The following SP7 variants were observed in gnomAD, a reference collection of about 807,000 sequenced individuals.
SP7 encodes Sp7 transcription factor, also known as transcription factor Sp7.
A neutral mutation model predicts 27.9 loss-of-function variants in SP7; 13 were observed. The observed-to-expected ratio is 0.47, with a 90% CI of 0.30 to 0.74. The LOEUF is 0.74. Among genes scored for constraint, SP7 ranks in the 30% least tolerant of loss-of-function variants. The pLI, the probability that SP7 is intolerant of heterozygous loss-of-function variation, is 0.06. For synonymous variants in SP7, 219 were observed against 226.7 expected (o/e 0.97, Z 0.31); for missense variants, 525 against 558.0 (o/e 0.94, Z 0.60).
chr12:53,341,211 C>G (rs941262334), upstream of SP7, among the ~76,000 whole-genome samples: 8 of 152,196 alleles, frequency 5.3e-5, no homozygotes, highest in African/African-American at 1.9e-4. Flanking sequence ...AGCACCAGGG[C>G]TGCAAGGCAG....
rs1565796162 is a variant in SP7, at chr12:53,344,325, C to T, written c.-34+789G>A. 6.6e-6 allele frequency among the ~76,000 whole-genome samples: 1 copy of T among 152,062 alleles called. No homozygotes were observed. The highest frequency in any genetic ancestry group is 1.5e-5 in the Non-Finnish European group (1 of 68,016). Reference sequence around the variant, plus strand: ...TGGCCCTCAGTCTCCCAGAAGAACCCCCGCCTCTGCCCTCTGCCCCAATCC... The same window carrying T: ...TGGCCCTCAGTCTCCCAGAAGAACCTCCGCCTCTGCCCTCTGCCCCAATCC... On this transcript the variant is annotated intron_variant, in intron 1 of 1. Coordinates refer to the SP7 transcript ENST00000547755. This position sits in a 1 kb window ranked among gnomAD's most constrained non-coding sequence, Gnocchi z 4.6.
At chr12:53,337,547 C>T (rs1944783363), upstream of SP7, among the ~76,000 whole-genome samples, 1 of 152,164 alleles carries the variant, frequency 6.6e-6, no homozygotes, top group African/African-American at 2.4e-5. Context: ...CTCTCCCTGT[C>T]AGGGGAATAA....
chr12:53,330,361 A>AT (rs1203428922), intron 2 of SP7, among the ~76,000 whole-genome samples: 9 of 152,078 alleles, frequency 5.9e-5, no homozygotes, highest in African/African-American at 2.2e-4. Context: ...CCAAAAAAAT[A>AT]TTTTTAGAGA....
Position 53,328,528 on chromosome 12 carries a change from T to TACACCTTGCCGC in SP7, c.902_913dup (p.Cys301_Val304dup). 1.2e-6 allele frequency: 2 copies of TACACCTTGCCGC among 1,613,422 alleles called. No individual in the cohort carries two copies. The highest frequency in any genetic ancestry group is 1.7e-6 in the Non-Finnish European group (2 of 1,179,464). On this transcript the variant is annotated inframe_insertion, in exon 3 of 3. Coordinates refer to ENST00000536324, the MANE Select transcript of SP7 (RefSeq NM_001173467.3). The surrounding 1 kb of genome is among the most constrained non-coding windows in gnomAD (Gnocchi z 5.1). ...GGCCTTCAGGTGCGAAGCCTTGCCATACACCTTGCCGCAGCCAGGGATGTG... is the reference window on the plus strand; with the variant it reads ...GGCCTTCAGGTGCGAAGCCTTGCCATACACCTTGCCGCACACCTTGCCGCAGCCAGGGATGTG...
At position 53,335,694 on chromosome 12, in the gene SP7, C is replaced by T; in HGVS notation, c.-47-1G>A. On this transcript the variant is annotated splice_acceptor_variant, in intron 1 of 2. Coordinates refer to ENST00000536324, the MANE Select transcript of SP7 (RefSeq NM_001173467.3). LOFTEE classifies it low-confidence loss of function (5UTR_SPLICE). ...CAAGGAGCCAGGCAGATGGAGAGAG[C>T]TGAGCCGGGGGGTGGGGGGGGTAGA... is the stretch of plus-strand genomic sequence containing the variant. The T allele has an allele frequency of 2.0e-6, 1 of 506,400 alleles. No individual in the cohort carries two copies. The allele number at this position is 506,400 out of a possible 1,614,324, so 31.4% of individuals were successfully genotyped here. A position where few individuals can be genotyped will look rare whatever the true frequency, so the allele number is the denominator to read the frequency against.
Position 53,329,115 on chromosome 12 carries a change from C to G in SP7, c.327G>C (p.Gly109=). The G allele has an allele frequency of 6.2e-7, 1 of 1,613,836 alleles. No individual in the cohort carries two copies. Among genetic ancestry groups the G allele is most frequent in the Non-Finnish European group, 8.5e-7 (1 of 1,179,882 alleles). ...FPGPTGTQDP[G]LLVPKGHSSS... ...AGCTGTGCCCCTTGGGCACTAGTAG[C>G]CCAGGGTCCTGGGTGCCTGTGGGCC... is the stretch of plus-strand genomic sequence containing the variant. Residue 109 remains glycine, a synonymous_variant, in exon 3 of 3, where the codon GGG becomes GGC. Coordinates refer to ENST00000536324, the MANE Select transcript of SP7 (RefSeq NM_001173467.3).
chr12:53,333,833 G>A (rs1944735164), intron 2 of SP7, among the ~76,000 whole-genome samples: 1 of 152,106 alleles, frequency 6.6e-6, no homozygotes, highest in Non-Finnish European at 1.5e-5. Context: ...AAGTGGTCGA[G>A]GGACAGGAGG....
At chr12:53,343,306 G>A (rs1944839000) in intron 1 of SP7, among the ~76,000 whole-genome samples, 1 of 152,178 alleles carries the variant, frequency 6.6e-6, no homozygotes, top group Non-Finnish European at 1.5e-5. Flanking sequence ...GCAACACAGA[G>A]TGGAGGCTGA....
At chr12:53,343,154 A>AG (rs1944837972) in intron 1 of SP7, among the ~76,000 whole-genome samples, 1 of 151,764 alleles carries the variant, frequency 6.6e-6, no homozygotes, top group Non-Finnish European at 1.5e-5. Flanking sequence ...AAAAAAAAAA[A>AG]CATAGTCTGG....
rs1944677024 is a variant in SP7 at position 53,329,370 on chromosome 12, G to A, written c.72C>T (p.Cys24=). 3 of 1,613,874 alleles carry A rather than the reference G, an allele frequency of 1.9e-6. No individual in the cohort carries two copies. Among genetic ancestry groups the A allele is most frequent in the Non-Finnish European group, 2.5e-6 (3 of 1,179,902 alleles). Residue 24 remains cysteine, a synonymous_variant, in exon 3 of 3, where the codon TGC becomes TGT. Coordinates refer to ENST00000536324, the MANE Select transcript of SP7 (RefSeq NM_001173467.3). ...SSPLAMLTAA[C]SKFGGSSPLR... is the part of the protein sequence containing the mutation. ...GAGGGCTAGAGCCACCAAATTTGCT[G>A]CACGCTGCCGTCAGCATGGCCAGGG...
chr12:53,336,032 G>A lies in SP7; in HGVS notation c.-48+114C>T, dbSNP rs189552157. ...TGGGCAAGTTGTCAGGGCTTCCTCG[G>A]GGGGCTGCTGAGGGGAGAGGTTAAA... On this transcript the variant is annotated intron_variant, in intron 1 of 2. Transcript: ENST00000536324. 4.1e-3 allele frequency: 1,026 copies of A among 250,816 alleles called. 4 individuals carry two copies. The highest frequency in any genetic ancestry group is 7.5e-3 in the Admixed American group (155 of 20,704). The allele number at this position is 250,816 out of a possible 1,614,324, so 15.5% of individuals were successfully genotyped here. A position where few individuals can be genotyped will look rare whatever the true frequency, so the allele number is the denominator to read the frequency against.
rs1231695026 is a variant in SP7 at position 53,328,828 on chromosome 12, AG to A, written c.613del (p.Asn206IlefsTer35). ...LPTYPSDFAP[L>X]NPAPYPAPHL... ...GGGAGCTGGGTAGGGGGCTGGATTAAGGGGAGCAAAGTCAGATGGGTAGGTG... is the reference window on the plus strand; with the variant it reads ...GGGAGCTGGGTAGGGGGCTGGATTAAGGGAGCAAAGTCAGATGGGTAGGTG... On this transcript the variant is annotated frameshift_variant, in exon 3 of 3. Transcript: ENST00000536324. LOFTEE classifies it high-confidence loss of function. The surrounding 1 kb of genome is among the most constrained non-coding windows in gnomAD (Gnocchi z 5.1). 1 of 1,599,724 alleles carries A rather than the reference AG, an allele frequency of 6.3e-7. No individual in the cohort carries two copies. The highest frequency in any genetic ancestry group is 1.7e-5 in the Admixed American group (1 of 59,490).
chr12:53,337,174 G>C (rs929895467), upstream of SP7, among the ~76,000 whole-genome samples: 1 of 152,178 alleles, frequency 6.6e-6, no homozygotes, highest in African/African-American at 2.4e-5. Flanking sequence ...ATCTCTTAGA[G>C]ACCATGGGTT....
chr12:53,338,288 G>C (rs1944791877), upstream of SP7, among the ~76,000 whole-genome samples: 2 of 152,058 alleles, frequency 1.3e-5, no homozygotes, highest in African/African-American at 4.8e-5. Context: ...CCCCCTTGTT[G>C]GGGGGGAGTC....
Position 53,326,953 on chromosome 12 carries a change from A to G in SP7, c.*1193T>C, listed in dbSNP as rs1040299334. On this transcript the variant is annotated 3_prime_UTR_variant, in exon 3 of 3. Transcript: ENST00000536324. ...TACATACTTATTTGAATCTGATCCT[A>G]GAGAAAGCCTTCCCCACCCATTCTT... is the stretch of plus-strand genomic sequence containing the variant. The G allele has an allele frequency of 1.3e-5, 2 of 152,230 alleles. No homozygotes were observed. Among genetic ancestry groups the G allele is most frequent in the Admixed American group, 6.5e-5 (1 of 15,272 alleles). The allele number at this position is 152,230 out of a possible 1,614,324, so 9.4% of individuals were successfully genotyped here. A position where few individuals can be genotyped will look rare whatever the true frequency, so the allele number is the denominator to read the frequency against.
In SP7 at chr12:53,344,612, CAAG is replaced by C. The variant is rs1485835193; in HGVS notation, c.-34+499_-34+501del. ...CCCCACCTCGCGTGGACGTGTGAGGCAAGAAGGACGGTTGAAGCTGAGGCAGGA... is the reference window on the plus strand; with the variant it reads ...CCCCACCTCGCGTGGACGTGTGAGGCAAGGACGGTTGAAGCTGAGGCAGGA... On this transcript the variant is annotated intron_variant, in intron 1 of 1. Coordinates refer to the SP7 transcript ENST00000547755. The surrounding 1 kb of genome is among the most constrained non-coding windows in gnomAD (Gnocchi z 4.6). 6.6e-6 allele frequency among the ~76,000 whole-genome samples: 1 copy of C among 152,190 alleles called. No homozygotes were observed. The highest frequency in any genetic ancestry group is 1.5e-5 in the Non-Finnish European group (1 of 68,030).
intron 2 of SP7, among the ~76,000 whole-genome samples, 183 bp from the exon 3 acceptor site, chr12:53,329,603 C>T (rs1315537099): frequency 1.3e-5 from 2 of 152,228 alleles, no homozygotes; most frequent in African/African-American, 4.8e-5. Flanking sequence ...TCAGGGCAGA[C>T]TCATGGAGTC....
At position 53,327,960 on chromosome 12, in the gene SP7, G is replaced by A. The variant is rs1944651157; in HGVS notation, c.*186C>T. ...TGTGGAAAGCCAGTCTCATGGTGAA[G>A]AGAGAAGGTGAGCTGAGGAGGCATG... On this transcript the variant is annotated 3_prime_UTR_variant, in exon 3 of 3. Transcript: ENST00000536324. 1 of 590,002 alleles carries A rather than the reference G, an allele frequency of 1.7e-6. No individual in the cohort carries two copies. Among genetic ancestry groups the A allele is most frequent in the African/African-American group, 1.9e-5 (1 of 52,994 alleles). 36.5% of individuals were successfully genotyped at this position (590,002 alleles called of 1,614,324 possible). A position where few individuals can be genotyped will look rare whatever the true frequency, so the allele number is the denominator to read the frequency against.
chr12:53,339,487 A>G (rs1944803516), upstream of SP7, among the ~76,000 whole-genome samples: 1 of 150,766 alleles, frequency 6.6e-6, no homozygotes, highest in Non-Finnish European at 1.5e-5. Flanking sequence ...GCGCTTTGGG[A>G]GGCCAAGGTG....
Sources: allele counts gnomAD v4.1 joint callset (sites outside exome capture counted in the v4.1 genomes callset), GRCh38; gene constraint gnomAD v4.1.1; non-coding constraint Gnocchi (gnomAD v3.1); transcripts MANE v1.5; gene names NCBI Gene and HGNC (gene_info 2026-07-23, HGNC 2026-07-21).